Variants in HNF1B observed in about 807,000 individuals in gnomAD.
HNF1B encodes the protein HNF1 homeobox B, also known as hepatocyte nuclear factor 1-beta.
In HNF1B, 8 loss-of-function variants were observed where a neutral mutation model predicts 61.7. The observed-to-expected ratio is 0.13, with a 90% CI of 0.08 to 0.23. HNF1B has a LOEUF of 0.23. HNF1B is among the 10% of genes least tolerant of loss of function. HNF1B has a pLI of 1.00. For missense variants in HNF1B, 562 were observed against 714.5 expected, an observed-to-expected ratio of 0.79 and a Z score of 2.43; for synonymous variants, 314 against 287.7, an observed-to-expected ratio of 1.09 and a Z score of -0.93.
chr17:37,713,401 T>G (rs1598818281), intron 4 of HNF1B, among the ~76,000 whole-genome samples: 1 of 152,220 alleles, frequency 6.6e-6, no homozygotes, highest in Non-Finnish European at 1.5e-5. Context: ...AAAAGGCTTC[T>G]TTACAAGGGA....
In HNF1B at chr17:37,686,831, G is replaced by T. The variant is rs2031985427; in HGVS notation, c.*541C>A. 3.8e-6 allele frequency: 1 copy of T among 264,026 alleles called. No individual in the cohort carries two copies. The highest frequency in any genetic ancestry group is 4.9e-5 in the Admixed American group (1 of 20,572). 16.4% of individuals were successfully genotyped at this position (264,026 alleles called of 1,614,324 possible). On this transcript the variant is annotated 3_prime_UTR_variant, in exon 9 of 9. Coordinates refer to ENST00000617811, the MANE Select transcript of HNF1B (RefSeq NM_000458.4). ...TTTAGTATTATATACAGGGCAGAGG[G>T]GAGAGGACACAGAGGGGAAATTGCA...
At position 37,705,061 on chromosome 17, in the gene HNF1B, A is replaced by T; in HGVS notation, c.1207-12T>A. On this transcript the variant is annotated splice_polypyrimidine_tract_variant and intron_variant, in intron 5 of 8. Transcript: ENST00000617811. ...CCTGAGACTGAGATCTGATGGAGAG[A>T]AAAAAACAAGAGAAACATGGGTGGA... is the stretch of plus-strand genomic sequence containing the variant. 1.2e-6 allele frequency: 2 copies of T among 1,612,356 alleles called. No individual in the cohort carries two copies. Among genetic ancestry groups the T allele is most frequent in the Non-Finnish European group, 1.7e-6 (2 of 1,178,982 alleles).
intron 8 of HNF1B, among the ~76,000 whole-genome samples, chr17:37,691,049 C>A (rs1049732715): frequency 4.6e-5 from 7 of 152,110 alleles, no homozygotes; most frequent in Admixed American, 1.3e-4. Flanking sequence ...TGAGAAGTGG[C>A]CAGTGCCGTA....
At chr17:37,742,522 T>A (rs2034024495) in intron 1 of HNF1B, among the ~76,000 whole-genome samples, 1 of 152,168 alleles carries the variant, frequency 6.6e-6, no homozygotes, top group South Asian at 2.1e-4. Flanking sequence ...GCTAGCGATT[T>A]CTTGAAAAAT....
At chr17:37,701,794 G>C (rs886384401) in intron 6 of HNF1B, among the ~76,000 whole-genome samples, 4 of 152,198 alleles carry the variant, frequency 2.6e-5, no homozygotes, top group Non-Finnish European at 4.4e-5. Context: ...CTGCGAGGCG[G>C]GCATATCTTA....
intron 6 of HNF1B, among the ~76,000 whole-genome samples, chr17:37,702,035 G>A (rs372796200): frequency 3.3e-5 from 5 of 152,162 alleles, no homozygotes; most frequent in African/African-American, 9.7e-5. Flanking sequence ...CCCTGAGAGC[G>A]ACACGGAGGA....
rs572694718 is a variant in HNF1B at position 37,737,879 on chromosome 17, TAAC to T, written c.544+1558_544+1560del. 3.5e-3 allele frequency among the ~76,000 whole-genome samples: 531 copies of T among 152,198 alleles called. 12 individuals carry two copies. Among genetic ancestry groups the T allele is most frequent in the Admixed American group, 0.031 (481 of 15,282 alleles). On this transcript the variant is annotated intron_variant, in intron 2 of 8. Transcript: ENST00000617811. ...TAAATAAATAAAACAAAAATAACAA[TAAC>T]AACAATCTCTTGAAGAGGCTGTTGT...
intron 8 of HNF1B, among the ~76,000 whole-genome samples, chr17:37,696,859 C>T (rs1289145074): frequency 6.6e-6 from 1 of 152,248 alleles, no homozygotes; most frequent in Non-Finnish European, 1.5e-5. Context: ...ACCTTGGGTA[C>T]CTTCTGCTGT....
intron 8 of HNF1B, among the ~76,000 whole-genome samples, chr17:37,692,444 C>T (rs557395702): frequency 6.6e-6 from 1 of 152,336 alleles, no homozygotes; most frequent in Admixed American, 6.5e-5. Context: ...TTGACCAGAT[C>T]CATACCCATC....
intron 4 of HNF1B, among the ~76,000 whole-genome samples, chr17:37,717,871 C>T (rs1392874843): frequency 6.6e-6 from 1 of 152,196 alleles, no homozygotes; most frequent in African/African-American, 2.4e-5. Flanking sequence ...GATACAGATT[C>T]ATGTTTGCAA....
intron 7 of HNF1B, among the ~76,000 whole-genome samples, chr17:37,699,789 TGTGAGATG>T (rs557445376): frequency 2.2e-4 from 34 of 152,270 alleles, no homozygotes; most frequent in African/African-American, 8.2e-4. Context: ...GTGATTGGAA[TGTGAGATG>T]GTGCTCAGAA....
intron 6 of HNF1B, among the ~76,000 whole-genome samples, chr17:37,702,783 T>A (rs1273818862): frequency 1.3e-5 from 2 of 152,096 alleles, no homozygotes; most frequent in Non-Finnish European, 2.9e-5. Flanking sequence ...ACCTAATGAG[T>A]CAGAACCTTC....
At chr17:37,731,567 G>T in intron 4 of HNF1B, 28 bp downstream of exon 4, 1 of 1,567,906 alleles carries the variant, frequency 6.4e-7, no homozygotes, top group Non-Finnish European at 8.7e-7. Flanking sequence ...TTGGGTTGCC[G>T]AGGCAGTGAG....
At position 37,700,997 on chromosome 17, in the gene HNF1B, A is replaced by C. The variant is rs1255063381; in HGVS notation, c.1520T>G (p.Leu507Arg). 1 of 1,556,886 alleles carries C rather than the reference A, an allele frequency of 6.4e-7. No individual in the cohort carries two copies. Among genetic ancestry groups the C allele is most frequent in the South Asian group, 1.2e-5 (1 of 84,474 alleles). ...QQPFMAAVTQ[L>R]QNSHMYAHKQ... ...CGTGTCCTTACTGTGTGAGTTCTGC[A>C]GCTGAGTCACAGCTGCCATGAAGGG... The change falls in exon 7 of 9, where the codon CTG (leucine) becomes CGG (arginine). Residue 507 changes from leucine (L) to arginine (R), a missense_variant. Leu to Arg is a moderately radical substitution (Grantham distance 102). Coordinates refer to ENST00000617811, the MANE Select transcript of HNF1B (RefSeq NM_000458.4).
At chr17:37,742,518 G>C (rs1331891502) in intron 1 of HNF1B, among the ~76,000 whole-genome samples, 2 of 152,186 alleles carry the variant, frequency 1.3e-5, no homozygotes. Context: ...AACCGCTAGC[G>C]ATTTCTTGAA....
At chr17:37,692,336 C>A (rs933637379) in intron 8 of HNF1B, among the ~76,000 whole-genome samples, 1 of 152,160 alleles carries the variant, frequency 6.6e-6, no homozygotes, top group African/African-American at 2.4e-5. Context: ...ATTATGGGTG[C>A]TTAAAAGTGG....
At chr17:37,713,286 C>A (rs2032996491) in intron 4 of HNF1B, among the ~76,000 whole-genome samples, 3 of 152,218 alleles carry the variant, frequency 2.0e-5, no homozygotes, top group Admixed American at 6.5e-5. Context: ...GGAAAAGGGC[C>A]AGCCCTCTGA....
intron 8 of HNF1B, among the ~76,000 whole-genome samples, chr17:37,698,685 G>A (rs1402509846): frequency 2.6e-5 from 4 of 151,994 alleles, no homozygotes; most frequent in African/African-American, 9.7e-5. Context: ...GGATCCTCAG[G>A]GATCCCTCTT....
At chr17:37,734,591 A>G (rs1358901122) in intron 2 of HNF1B, among the ~76,000 whole-genome samples, 1 of 152,154 alleles carries the variant, frequency 6.6e-6, no homozygotes, top group Non-Finnish European at 1.5e-5. Context: ...ACATGGTTTA[A>G]TGAGATTTGA....
Sources: gnomAD v4.1 joint callset for allele counts (sites outside exome capture counted in the v4.1 genomes callset) on GRCh38, gnomAD v4.1.1 for gene constraint, MANE v1.5 for transcripts, NCBI Gene and HGNC (gene_info 2026-07-23, HGNC 2026-07-21) for gene names.